NXPE2: variants seen among roughly 807,000 people sequenced by gnomAD.
NXPE2 encodes the protein NXPE family member 2.
A neutral mutation model predicts 34.4 loss-of-function variants in NXPE2; 34 were observed. The ratio of observed to expected loss-of-function variants is 0.99; its 90% CI spans 0.75 to 1.31. The LOEUF is 1.31. Among genes scored for constraint, NXPE2 ranks in the 40% most tolerant of loss-of-function variants. The pLI, the probability that NXPE2 is intolerant of heterozygous loss-of-function variation, is 0.00. For synonymous variants in NXPE2, 235 were observed against 231.3 expected, an observed-to-expected ratio of 1.02 and a Z score of -0.15; for missense variants, 649 against 672.5, an observed-to-expected ratio of 0.97 and a Z score of 0.39.
At chr11:114,718,280 C>T in the NXPE2 span, among the ~76,000 whole-genome samples, 2 of 152,064 alleles carry the variant, frequency 1.3e-5, no homozygotes, top group African/African-American at 2.4e-5. Flanking sequence ...ATGCTATTAG[C>T]AATTATCTCA....
the NXPE2 span, among the ~76,000 whole-genome samples, chr11:114,622,207 G>A: frequency 1.7e-4 from 18 of 104,916 alleles, no homozygotes; most frequent in South Asian, 3.9e-3. Flanking sequence ...ATTACCTGGT[G>A]GATAATAAGT....
chr11:114,518,157 A>G, the NXPE2 span: 1 of 152,122 alleles, frequency 6.6e-6, no homozygotes. Context: ...CTTTTTCCTT[A>G]CCAAGAGCTG....
At chr11:114,639,854 ATATAT>A in the NXPE2 span, among the ~76,000 whole-genome samples, 5 of 90,644 alleles carry the variant, frequency 5.5e-5, no homozygotes, top group South Asian at 3.7e-4. Flanking sequence ...AAAATATAAT[ATATAT>A]TATATTTTAT....
the NXPE2 span, among the ~76,000 whole-genome samples, chr11:114,613,855 C>A: frequency 1.3e-4 from 19 of 151,510 alleles, no homozygotes; most frequent in Non-Finnish European, 2.4e-4. Flanking sequence ...TACGTATTGC[C>A]TAATAGGTAA....
chr11:114,789,205 T>C, the NXPE2 span, among the ~76,000 whole-genome samples: 5 of 152,352 alleles, frequency 3.3e-5, no homozygotes, highest in Admixed American at 2.0e-4. Context: ...AAAATAGCTA[T>C]GTGAGGTAAT....
At chr11:114,546,061 TTTTAACTGTATTACAAA>T in the NXPE2 span, among the ~76,000 whole-genome samples, 1 of 152,312 alleles carries the variant, frequency 6.6e-6, no homozygotes, top group African/African-American at 2.4e-5. Context: ...GAACACAGTG[TTTTAACTGTATTACAAA>T]TTTAACTGTA....
At chr11:114,770,727 G>A in the NXPE2 span, among the ~76,000 whole-genome samples, 44,422 of 152,006 alleles carry the variant, frequency 0.29, 6,804 homozygotes, top group East Asian at 0.41. Context: ...TTTTATAGGC[G>A]AGCAAACTGA....
chr11:114,502,755 G>A, the NXPE2 span, among the ~76,000 whole-genome samples: 1 of 152,096 alleles, frequency 6.6e-6, no homozygotes, highest in African/African-American at 2.4e-5. Flanking sequence ...TGGTTTTCTT[G>A]TGTAATTCTA....
chr11:114,678,725 T>C (rs1421214721), intron 1 of NXPE2, 124 bp downstream of exon 1: 4 of 689,258 alleles, frequency 5.8e-6, no homozygotes, highest in South Asian at 1.9e-5. Flanking sequence ...AATCGTTTTA[T>C]TTGGGCATAA....
chr11:114,491,391 C>G, the NXPE2 span, among the ~76,000 whole-genome samples: 1 of 151,828 alleles, frequency 6.6e-6, no homozygotes, highest in Non-Finnish European at 1.5e-5. Context: ...TTTATGCAGC[C>G]AAAAACACAT....
chr11:114,550,999 G>T, the NXPE2 span: 17 of 640,686 alleles, frequency 2.7e-5, 1 homozygote, highest in South Asian at 3.2e-4. Flanking sequence ...CAGTAGTTGA[G>T]GTGGGGGAGG....
chr11:114,758,686 A>C, the NXPE2 span, among the ~76,000 whole-genome samples: 37 of 152,164 alleles, frequency 2.4e-4, no homozygotes, highest in African/African-American at 8.7e-4. Context: ...ACTTGCATAG[A>C]TTCCTTCTAA....
chr11:114,664,858 C>G, the NXPE2 span, among the ~76,000 whole-genome samples: 2 of 152,154 alleles, frequency 1.3e-5, no homozygotes, highest in African/African-American at 4.8e-5. Flanking sequence ...AACCAATACT[C>G]TACAGTGTAC....
the NXPE2 span, among the ~76,000 whole-genome samples, chr11:114,806,605 G>A: frequency 6.6e-6 from 1 of 152,218 alleles, no homozygotes; most frequent in Non-Finnish European, 1.5e-5. Flanking sequence ...AGTGATGGAA[G>A]ACGAAAGGAA....
At chr11:114,785,234 A>G in the NXPE2 span, among the ~76,000 whole-genome samples, 36 of 152,188 alleles carry the variant, frequency 2.4e-4, no homozygotes, top group East Asian at 6.8e-3. Flanking sequence ...AGAATGTCAA[A>G]CCTGGATGAG....
the NXPE2 span, among the ~76,000 whole-genome samples, chr11:114,520,072 C>A: frequency 3.8e-4 from 57 of 151,954 alleles, no homozygotes; most frequent in Admixed American, 3.7e-3. Context: ...AAAGTGCTGG[C>A]ATTACAGGCG....
At chr11:114,728,713 T>C in the NXPE2 span, among the ~76,000 whole-genome samples, 1 of 152,024 alleles carries the variant, frequency 6.6e-6, no homozygotes, top group Middle Eastern at 3.2e-3. Flanking sequence ...ACTACTCAAC[T>C]CTGCCTTTGT....
At chr11:114,469,388 C>T in the NXPE2 span, among the ~76,000 whole-genome samples, 2 of 151,656 alleles carry the variant, frequency 1.3e-5, no homozygotes, top group Non-Finnish European at 1.5e-5. Context: ...GCTAGGATTA[C>T]AGGTGTGAGC....
At chr11:114,502,011 T>G in the NXPE2 span, among the ~76,000 whole-genome samples, 1 of 152,184 alleles carries the variant, frequency 6.6e-6, no homozygotes, top group African/African-American at 2.4e-5. Flanking sequence ...CTATTGACAT[T>G]TTGGGCTGAA....
Sources: allele counts gnomAD v4.1 joint callset (sites outside exome capture counted in the v4.1 genomes callset), GRCh38; gene constraint gnomAD v4.1.1; transcripts MANE v1.5; gene names NCBI Gene and HGNC (gene_info 2026-07-23, HGNC 2026-07-21).